Variants in MLANA observed in about 807,000 individuals in gnomAD.
MLANA encodes melanoma antigen recognized by T-cells 1.
Under a neutral mutation model 15.7 loss-of-function variants are expected in MLANA, and 21 were observed. The observed-to-expected ratio is 1.33, with a 90% CI of 0.95 to 1.92. The LOEUF is 1.92. Ranked by LOEUF, MLANA falls within the 40% of genes most tolerant of loss-of-function variation. The probability of loss-of-function intolerance (pLI) is 0.00; values close to 1 mark genes in which losing one functional copy is unlikely to be tolerated. For synonymous variants in MLANA, 56 were observed against 51.5 expected, an observed-to-expected ratio of 1.09 and a Z score of -0.37; for missense variants, 164 against 143.8, an observed-to-expected ratio of 1.14 and a Z score of -0.72.
At chr9:5,908,356 G>T (rs999406464) in intron 4 of MLANA, among the ~76,000 whole-genome samples, 1 of 152,168 alleles carries the variant, frequency 6.6e-6, no homozygotes, top group Non-Finnish European at 1.5e-5. Flanking sequence ...TGATTCGTTA[G>T]TTAGGGCTTG....
chr9:5,893,602 T>C (rs13293970), intron 2 of MLANA, among the ~76,000 whole-genome samples: 26,737 of 152,118 alleles, frequency 0.18, 2,426 homozygotes, highest in Middle Eastern at 0.22. Flanking sequence ...AAACATACTC[T>C]TTGAGGGAGG....
At chr9:5,905,649 A>C (rs1418280128) in intron 3 of MLANA, among the ~76,000 whole-genome samples, 2 of 152,242 alleles carry the variant, frequency 1.3e-5, no homozygotes, top group African/African-American at 4.8e-5. Context: ...GAACTCTTTC[A>C]ACCAGCTGCT....
At chr9:5,895,169 A>C (rs965669981) in intron 2 of MLANA, among the ~76,000 whole-genome samples, 1 of 152,218 alleles carries the variant, frequency 6.6e-6, no homozygotes, top group Non-Finnish European at 1.5e-5. Flanking sequence ...AGCTTCCAGC[A>C]CAATGAAACA....
intron 2 of MLANA, among the ~76,000 whole-genome samples, chr9:5,897,338 G>C (rs1327387703): frequency 2.0e-5 from 3 of 152,232 alleles, no homozygotes; most frequent in African/African-American, 7.2e-5. Context: ...CAGAGTTCCT[G>C]TGGGCACACA....
intron 3 of MLANA, among the ~76,000 whole-genome samples, chr9:5,905,176 G>C (rs557472704): frequency 6.6e-6 from 1 of 152,014 alleles, no homozygotes; most frequent in Non-Finnish European, 1.5e-5. Context: ...CCATTTCATA[G>C]GCATTATGAG....
intron 2 of MLANA, among the ~76,000 whole-genome samples, chr9:5,897,086 T>A (rs1038058186): frequency 1.3e-4 from 20 of 152,228 alleles, no homozygotes; most frequent in African/African-American, 4.6e-4. Context: ...GTGTCTACCC[T>A]CCAGTGTTGA....
intron 2 of MLANA, among the ~76,000 whole-genome samples, chr9:5,897,256 T>C (rs535542129): frequency 1.3e-5 from 2 of 152,322 alleles, no homozygotes; most frequent in South Asian, 4.1e-4. Context: ...ATAAATACAT[T>C]GTCCACATAA....
chr9:5,901,840 C>T (rs568338101), intron 3 of MLANA, among the ~76,000 whole-genome samples: 2 of 152,248 alleles, frequency 1.3e-5, no homozygotes, highest in African/African-American at 4.8e-5. Context: ...CAATATTGAA[C>T]CAGGTTTGCA....
intron 3 of MLANA, among the ~76,000 whole-genome samples, chr9:5,904,132 T>C (rs111380835): frequency 0.011 from 1,725 of 152,326 alleles, 30 homozygotes; most frequent in African/African-American, 0.04. Flanking sequence ...TGCTTGGGAT[T>C]ACAGGTGTGA....
At chr9:5,893,627 G>A (rs762845219) in intron 2 of MLANA, among the ~76,000 whole-genome samples, 10 of 152,134 alleles carry the variant, frequency 6.6e-5, no homozygotes, top group East Asian at 1.9e-4. Context: ...CCCATTGCCC[G>A]TGCTATTAGT....
intron 2 of MLANA, among the ~76,000 whole-genome samples, chr9:5,896,205 T>C (rs1408400597): frequency 6.6e-6 from 1 of 152,226 alleles, no homozygotes; most frequent in Non-Finnish European, 1.5e-5. Flanking sequence ...AGCTGTAAAA[T>C]GAACATCATT....
At chr9:5,907,875 C>T (rs891149534) in intron 4 of MLANA, among the ~76,000 whole-genome samples, 1 of 152,188 alleles carries the variant, frequency 6.6e-6, no homozygotes, top group Non-Finnish European at 1.5e-5. Flanking sequence ...ATCACTTGAA[C>T]CCGGGAGGTG....
At chr9:5,897,912 AAATG>A (rs150717319) in intron 3 of MLANA, among the ~76,000 whole-genome samples, 38 of 152,348 alleles carry the variant, frequency 2.5e-4, no homozygotes, top group African/African-American at 9.1e-4. Context: ...ATTTATAAAT[AAATG>A]AAATTCATTT....
At chr9:5,904,591 G>A (rs1477086505) in intron 3 of MLANA, among the ~76,000 whole-genome samples, 1 of 151,972 alleles carries the variant, frequency 6.6e-6, no homozygotes, top group African/African-American at 2.4e-5. Flanking sequence ...TCCTGTCTCA[G>A]CCTCCTGAGT....
chr9:5,906,285 G>A (rs998260201), intron 3 of MLANA, among the ~76,000 whole-genome samples: 13 of 149,708 alleles, frequency 8.7e-5, no homozygotes, highest in African/African-American at 2.5e-4. Flanking sequence ...AGCCGAGATC[G>A]TGCCATTATA....
intron 1 of MLANA, among the ~76,000 whole-genome samples, chr9:5,891,866 T>C (rs747468482): frequency 1.3e-5 from 2 of 152,184 alleles, no homozygotes; most frequent in Admixed American, 6.5e-5. Flanking sequence ...GAAGCCCCTG[T>C]GTGGGGTGGT....
In MLANA at chr9:5,897,644, A is replaced by G; in HGVS notation, c.165A>G (p.Arg55=). 1.2e-6 allele frequency: 2 copies of G among 1,613,858 alleles called. No homozygotes were observed. Among genetic ancestry groups the G allele is most frequent in the Non-Finnish European group, 1.7e-6 (2 of 1,179,724 alleles). The change falls in exon 3 of 5, where the codon AGA becomes AGG. Residue 55 remains arginine (R), a synonymous_variant. Coordinates refer to ENST00000381477, the MANE Select transcript of MLANA (RefSeq NM_005511.2). ...ATTGTAGAAGACGAAATGGATACAG[A>G]GCCTTGATGGTTGGTAAAGTTCCCA... is the stretch of plus-strand genomic sequence containing the variant. ...CWYCRRRNGY[R]ALMDKSLHVG... is the part of the protein sequence containing the mutation.
chr9:5,892,452 G>A lies in MLANA; in HGVS notation c.-23G>A, dbSNP rs371418246. ...TGCCCACATGCTCCTTCTGTTAGGTGTCCTGTGCCCTGACCCTACAAGATG... is the reference window on the plus strand; with the variant it reads ...TGCCCACATGCTCCTTCTGTTAGGTATCCTGTGCCCTGACCCTACAAGATG... On this transcript the variant is annotated splice_region_variant and 5_prime_UTR_variant, in exon 2 of 5. Coordinates refer to ENST00000381477, the MANE Select transcript of MLANA (RefSeq NM_005511.2). 1.4e-5 allele frequency: 22 copies of A among 1,604,554 alleles called. No individual in the cohort carries two copies. The highest frequency in any genetic ancestry group is 1.8e-5 in the Non-Finnish European group (21 of 1,176,276).
Position 5,892,444 on chromosome 9 carries a change from T to C in MLANA, c.-25-6T>C. The C allele has an allele frequency of 2.5e-6, 4 of 1,598,770 alleles. No homozygotes were observed. The highest frequency in any genetic ancestry group is 3.4e-6 in the Non-Finnish European group (4 of 1,172,836). On this transcript the variant is annotated splice_polypyrimidine_tract_variant and splice_region_variant and intron_variant, in intron 1 of 4. Transcript: ENST00000381477. ...ATTAATGATGCCCACATGCTCCTTC[T>C]GTTAGGTGTCCTGTGCCCTGACCCT...
Sources: gnomAD v4.1 joint callset for allele counts (sites outside exome capture counted in the v4.1 genomes callset) on GRCh38, gnomAD v4.1.1 for gene constraint, MANE v1.5 for transcripts, NCBI Gene and HGNC (gene_info 2026-07-23, HGNC 2026-07-21) for gene names.